The following CEP126 variants were observed in gnomAD, a reference collection of about 807,000 sequenced individuals.
CEP126 encodes the protein centrosomal protein 126.
CEP126 carries 74 observed loss-of-function variants against 107.8 expected under a neutral mutation model. The observed-to-expected ratio is 0.69, with a 90% CI of 0.57 to 0.83. CEP126 has a LOEUF of 0.83. Ranked by LOEUF, CEP126 falls within the 40% of genes least tolerant of loss-of-function variation. The probability of loss-of-function intolerance (pLI) is 0.00; values close to 1 mark genes in which losing one functional copy is unlikely to be tolerated. For synonymous variants in CEP126, 449 were observed against 446.0 expected (o/e 1.01, Z -0.08); for missense variants, 1,237 against 1,281.9 (o/e 0.96, Z 0.53).
At chr11:101,942,669 G>A (rs887013844) in intron 2 of CEP126, among the ~76,000 whole-genome samples, 1 of 151,472 alleles carries the variant, frequency 6.6e-6, no homozygotes, top group African/African-American at 2.4e-5. Context: ...AAAGTCATTG[G>A]AATTTGAAGG....
intron 9 of CEP126, among the ~76,000 whole-genome samples, chr11:101,990,481 G>A (rs138964519): frequency 6.6e-6 from 1 of 152,174 alleles, no homozygotes; most frequent in East Asian, 1.9e-4. Flanking sequence ...ACACATTCCC[G>A]GGCCAAAACC....
intron 1 of CEP126, among the ~76,000 whole-genome samples, chr11:101,919,307 T>C (rs927143495): frequency 5.3e-5 from 8 of 152,198 alleles, no homozygotes; most frequent in Non-Finnish European, 1.0e-4. Context: ...AATACATAGT[T>C]ATTTGTGATG....
intron 2 of CEP126, among the ~76,000 whole-genome samples, chr11:101,927,454 G>T (rs12573997): frequency 0.056 from 8,492 of 152,070 alleles, 460 homozygotes; most frequent in East Asian, 0.27. Context: ...AAACTATATA[G>T]TACAATATCA....
intron 4 of CEP126, chr11:101,956,282 A>G (rs1344781005): frequency 6.6e-6 from 3 of 455,512 alleles, no homozygotes; most frequent in African/African-American, 4.0e-5. Flanking sequence ...TGTTTCCCCA[A>G]CCCCTTTGGA....
intron 6 of CEP126, among the ~76,000 whole-genome samples, chr11:101,977,610 G>A: frequency 8.0e-6 from 1 of 124,534 alleles, no homozygotes; most frequent in African/African-American, 3.1e-5. Context: ...CAGCCTGGGT[G>A]ACAGAGCAAG....
At chr11:101,964,995 T>A (rs1270841755) in intron 6 of CEP126, among the ~76,000 whole-genome samples, 1 of 152,220 alleles carries the variant, frequency 6.6e-6, no homozygotes, top group Non-Finnish European at 1.5e-5. Flanking sequence ...CCATTCTCTT[T>A]CCCAAAGTGT....
chr11:101,943,754 G>T (rs982336139), intron 2 of CEP126, among the ~76,000 whole-genome samples: 2 of 151,952 alleles, frequency 1.3e-5, no homozygotes, highest in African/African-American at 4.8e-5. Context: ...TCCAAATTTT[G>T]AAGAGAAACT....
intron 2 of CEP126, among the ~76,000 whole-genome samples, chr11:101,939,738 C>T (rs1177537331): frequency 6.6e-6 from 1 of 152,164 alleles, no homozygotes; most frequent in South Asian, 2.1e-4. Flanking sequence ...TTTGATAACT[C>T]AGATATGAGA....
chr11:101,979,821 G>C (rs1209784381), intron 7 of CEP126, among the ~76,000 whole-genome samples: 9 of 152,096 alleles, frequency 5.9e-5, no homozygotes, highest in African/African-American at 1.7e-4. Flanking sequence ...ATCAAATATG[G>C]CATTTTCTAG....
At chr11:101,947,872 T>C (rs552878585) in intron 3 of CEP126, among the ~76,000 whole-genome samples, 159 bp from the exon 4 acceptor site, 3 of 152,308 alleles carry the variant, frequency 2.0e-5, no homozygotes, top group African/African-American at 7.2e-5. Context: ...CTTTTGGGAA[T>C]TGAATGTCAA....
chr11:101,987,362 A>C (rs1941328128), intron 9 of CEP126, among the ~76,000 whole-genome samples: 2 of 152,212 alleles, frequency 1.3e-5, no homozygotes, highest in South Asian at 4.1e-4. Flanking sequence ...GTATTTTTTA[A>C]ACCTGCAATA....
chr11:101,952,708 G>T (rs773136271), intron 4 of CEP126, among the ~76,000 whole-genome samples: 55 of 152,138 alleles, frequency 3.6e-4, no homozygotes, highest in Non-Finnish European at 1.5e-4. Context: ...GAAGGAGAAT[G>T]ACATGTTTGA....
Position 101,963,363 on chromosome 11 carries a change from C to T in CEP126, c.2328C>T (p.Gly776=), listed in dbSNP as rs369272940. 1.1e-5 allele frequency: 17 copies of T among 1,614,064 alleles called. No homozygotes were observed. The highest frequency in any genetic ancestry group is 1.2e-5 in the Non-Finnish European group (14 of 1,180,006). ...QSGFICTNRK[G]AVIQPQSASK... is the part of the protein sequence containing the mutation. The stretch of plus-strand genomic sequence containing the variant: ...GCTTTATATGTACAAACAGAAAAGG[C>T]GCTGTCATTCAACCACAGTCTGCAA... Residue 776 remains glycine, a synonymous_variant, in exon 6 of 11, where the codon GGC becomes GGT. Coordinates refer to ENST00000263468, the MANE Select transcript of CEP126 (RefSeq NM_020802.4).
At chr11:101,973,871 C>G (rs1414019688) in intron 6 of CEP126, among the ~76,000 whole-genome samples, 2 of 151,996 alleles carry the variant, frequency 1.3e-5, no homozygotes, top group Admixed American at 6.6e-5. Context: ...GAAATGTCTG[C>G]TCTTGTCATT....
At chr11:101,922,882 C>G (rs1591267589) in intron 2 of CEP126, 122 bp downstream of exon 2, 2 of 767,402 alleles carry the variant, frequency 2.6e-6, no homozygotes, top group Non-Finnish European at 2.0e-6. Context: ...AAACATTGAT[C>G]AAGATTTGTG....
intron 2 of CEP126, among the ~76,000 whole-genome samples, chr11:101,925,451 T>A (rs1289377250): frequency 6.6e-6 from 1 of 151,888 alleles, no homozygotes; most frequent in African/African-American, 2.4e-5. Flanking sequence ...TAATCTGTTC[T>A]ACCAGTAAAC....
rs141265509 is a variant in CEP126 at position 101,934,005 on chromosome 11, T to A, written c.249-10260T>A. Among the ~76,000 whole-genome samples, 15 of 152,170 alleles carry A rather than the reference T, an allele frequency of 9.9e-5. No individual in the cohort carries two copies. The East Asian group carries it at 2.9e-3, about 29-fold the overall frequency. On this transcript the variant is annotated intron_variant, in intron 2 of 10. Coordinates refer to ENST00000263468, the MANE Select transcript of CEP126 (RefSeq NM_020802.4). ...TGTGAGAGGGAGGTGGAAGGTGATA[T>A]CATGGAAAGTGTGAAGATACTCACA... is the stretch of plus-strand genomic sequence containing the variant.
At chr11:101,927,027 C>T (rs1013366802) in intron 2 of CEP126, among the ~76,000 whole-genome samples, 4 of 152,190 alleles carry the variant, frequency 2.6e-5, no homozygotes, top group African/African-American at 7.2e-5. Flanking sequence ...GTTGGCTGGG[C>T]GCAGTGGCTC....
chr11:101,958,474 C>T, intron 5 of CEP126, 108 bp downstream of exon 5: 1 of 836,886 alleles, frequency 1.2e-6, no homozygotes, highest in Non-Finnish European at 1.9e-6. Context: ...GAGAGCAGGC[C>T]ATGAAAGACA....
Sources: gnomAD v4.1 joint callset for allele counts (sites outside exome capture counted in the v4.1 genomes callset) on GRCh38, gnomAD v4.1.1 for gene constraint, MANE v1.5 for transcripts, NCBI Gene and HGNC (gene_info 2026-07-23, HGNC 2026-07-21) for gene names.